LIN52: variants seen among roughly 807,000 people sequenced by gnomAD.
LIN52 encodes protein lin-52 homolog.
A neutral mutation model predicts 18.5 loss-of-function variants in LIN52; 4 were observed. The observed-to-expected ratio is 0.22, with a 90% CI of 0.11 to 0.49. The LOEUF (loss-of-function observed/expected upper bound fraction) is 0.49, where lower values mean the gene tolerates loss of function less well. Ranked by LOEUF, LIN52 falls within the 20% of genes least tolerant of loss-of-function variation. The pLI is 0.97. For missense variants in LIN52, 102 were observed against 139.5 expected (o/e 0.73, Z 1.35); for synonymous variants, 34 against 45.5 (o/e 0.75, Z 1.02).
intron 5 of LIN52, among the ~76,000 whole-genome samples, chr14:74,132,699 G>A (rs1162799444): frequency 6.6e-6 from 1 of 152,090 alleles, no homozygotes; most frequent in Non-Finnish European, 1.5e-5. Flanking sequence ...AGTAGAGACA[G>A]GTTTTCACCA....
Position 74,199,099 on chromosome 14 carries a change from C to T in LIN52, c.*122C>T, listed in dbSNP as rs1192284050. On this transcript the variant is annotated 3_prime_UTR_variant, in exon 6 of 6. Transcript: ENST00000555028. ...CCAGAGGGTGTACCTCCAGGACTGCCCTCTCCCCTGCTCCTGGCACTCTAC... is the reference window on the plus strand; with the variant it reads ...CCAGAGGGTGTACCTCCAGGACTGCTCTCTCCCCTGCTCCTGGCACTCTAC... 1 of 681,606 alleles carries T rather than the reference C, an allele frequency of 1.5e-6. No homozygotes were observed. Among genetic ancestry groups the T allele is most frequent in the Admixed American group, 2.4e-5 (1 of 41,744 alleles). 42.2% of individuals were successfully genotyped at this position (681,606 alleles called of 1,614,324 possible).
At chr14:74,138,719 AC>A (rs1386002034) in intron 5 of LIN52, among the ~76,000 whole-genome samples, 1 of 134,758 alleles carries the variant, frequency 7.4e-6, no homozygotes, top group African/African-American at 2.9e-5. Context: ...CCCTCACCCC[AC>A]CCCCTATCCT....
At chr14:74,137,858 T>C (rs1362810318) in intron 5 of LIN52, among the ~76,000 whole-genome samples, 2 of 152,168 alleles carry the variant, frequency 1.3e-5, no homozygotes, top group Non-Finnish European at 2.9e-5. Context: ...ATATATTTAC[T>C]CAAATGACTA....
chr14:74,170,327 T>C (rs2061265050), intron 5 of LIN52, among the ~76,000 whole-genome samples: 1 of 152,232 alleles, frequency 6.6e-6, no homozygotes, highest in South Asian at 2.1e-4. Flanking sequence ...GAAGTGATTT[T>C]TGTCTAAATT....
chr14:74,182,259 G>C (rs1171604234), intron 5 of LIN52, among the ~76,000 whole-genome samples: 1 of 152,162 alleles, frequency 6.6e-6, no homozygotes, highest in Non-Finnish European at 1.5e-5. Context: ...CGGTCTGCCC[G>C]CCTAGGCCTC....
chr14:74,199,878 C>T lies in LIN52; in HGVS notation c.*901C>T, dbSNP rs1415827293. ...ACATGCTATGGGATGGTGGGATTGT[C>T]CCCTCTGACAGCACATATGAAATAG... On this transcript the variant is annotated 3_prime_UTR_variant, in exon 6 of 6. Transcript: ENST00000555028. 1 of 152,178 alleles carries T rather than the reference C, an allele frequency of 6.6e-6. No individual in the cohort carries two copies. The highest frequency in any genetic ancestry group is 1.5e-5 in the Non-Finnish European group (1 of 68,044). 9.4% of individuals were successfully genotyped at this position (152,178 alleles called of 1,614,324 possible). A position where few individuals can be genotyped will look rare whatever the true frequency, so the allele number is the denominator to read the frequency against.
chr14:74,098,830 G>C (rs146307098), intron 4 of LIN52, among the ~76,000 whole-genome samples: 1 of 152,154 alleles, frequency 6.6e-6, no homozygotes, highest in Non-Finnish European at 1.5e-5. Flanking sequence ...TTACAGGCGT[G>C]AGCCACCACG....
intron 1 of LIN52, among the ~76,000 whole-genome samples, chr14:74,090,279 A>G (rs2060764900): frequency 6.6e-6 from 1 of 151,590 alleles, no homozygotes; most frequent in African/African-American, 2.4e-5. Context: ...TTGGCCTCCC[A>G]AAGTGCTGGG....
intron 5 of LIN52, among the ~76,000 whole-genome samples, chr14:74,103,932 G>T (rs1347309421): frequency 6.8e-6 from 1 of 146,024 alleles, no homozygotes; most frequent in East Asian, 2.0e-4. Flanking sequence ...TCGCTCTGTC[G>T]CCAGGTTGGA....
intron 3 of LIN52, among the ~76,000 whole-genome samples, chr14:74,097,504 A>G (rs138057982): frequency 0.017 from 2,540 of 149,608 alleles, 60 homozygotes; most frequent in East Asian, 0.055. Context: ...GTTCACTGCA[A>G]CCTCTGCCTC....
chr14:74,085,078 T>C, intron 1 of LIN52, 85 bp downstream of exon 1: 1 of 1,188,994 alleles, frequency 8.4e-7, no homozygotes, highest in South Asian at 3.1e-5. Context: ...CCCTCGAACA[T>C]ACATTTCTTT....
At chr14:74,147,525 C>A (rs927839859) in intron 5 of LIN52, among the ~76,000 whole-genome samples, 1 of 152,202 alleles carries the variant, frequency 6.6e-6, no homozygotes, top group Non-Finnish European at 1.5e-5. Flanking sequence ...TGGTGACTTA[C>A]GCCTGAAATC....
intron 5 of LIN52, among the ~76,000 whole-genome samples, chr14:74,176,420 CT>C (rs201746376): frequency 6.0e-5 from 9 of 149,430 alleles, no homozygotes; most frequent in East Asian, 2.0e-4. Context: ...CTATAGTTAA[CT>C]TTTTTTTTTA....
intron 5 of LIN52, among the ~76,000 whole-genome samples, chr14:74,122,816 A>G (rs2061007473): frequency 6.6e-6 from 1 of 152,196 alleles, no homozygotes; most frequent in Admixed American, 6.5e-5. Context: ...CAGTGAGCCA[A>G]GATCATGTGC....
At chr14:74,112,265 T>C (rs1191129605) in intron 5 of LIN52, among the ~76,000 whole-genome samples, 5 of 152,102 alleles carry the variant, frequency 3.3e-5, no homozygotes, top group Non-Finnish European at 7.4e-5. Flanking sequence ...TTTTCTTTTT[T>C]ATCTCTTCAT....
At chr14:74,170,289 A>C (rs2061265001) in intron 5 of LIN52, among the ~76,000 whole-genome samples, 1 of 152,236 alleles carries the variant, frequency 6.6e-6, no homozygotes, top group African/African-American at 2.4e-5. Flanking sequence ...GAATAAATAA[A>C]TAAAGAGGTA....
intron 5 of LIN52, among the ~76,000 whole-genome samples, chr14:74,129,380 G>T (rs969732244): frequency 2.0e-5 from 3 of 152,190 alleles, no homozygotes; most frequent in Non-Finnish European, 4.4e-5. Flanking sequence ...TTCTGAGAGG[G>T]TTTGAAGGCA....
At chr14:74,190,389 C>CTTTTTTTTTTTTT (rs68037994) in intron 5 of LIN52, among the ~76,000 whole-genome samples, 6 of 106,306 alleles carry the variant, frequency 5.6e-5, no homozygotes, top group Non-Finnish European at 1.1e-4. Flanking sequence ...GCCTAAATAA[C>CTTTTTTTTTTTTT]TTTTTTTTTT....
chr14:74,137,168 A>AT (rs1351943465), intron 5 of LIN52, among the ~76,000 whole-genome samples: 2 of 139,534 alleles, frequency 1.4e-5, no homozygotes, highest in African/African-American at 5.2e-5. Context: ...ATATATATAT[A>AT]TATATTTTTT....
Sources: gnomAD v4.1 joint callset for allele counts (sites outside exome capture counted in the v4.1 genomes callset) on GRCh38, gnomAD v4.1.1 for gene constraint, MANE v1.5 for transcripts, NCBI Gene and HGNC (gene_info 2026-07-23, HGNC 2026-07-21) for gene names.